Variants in ST6GAL2 observed in about 807,000 individuals in gnomAD.
ST6GAL2 encodes the protein ST6 beta-galactoside alpha-2,6-sialyltransferase 2.
A neutral mutation model predicts 37.5 loss-of-function variants in ST6GAL2; 24 were observed. The ratio of observed to expected loss-of-function variants is 0.64; its 90% CI spans 0.46 to 0.90. The LOEUF is 0.90. Ranked by LOEUF, ST6GAL2 falls within the 40% of genes least tolerant of loss-of-function variation. The pLI is 0.00. For missense variants in ST6GAL2, 715 were observed against 712.7 expected, an observed-to-expected ratio of 1.00 and a Z score of -0.04; for synonymous variants, 306 against 295.1, an observed-to-expected ratio of 1.04 and a Z score of -0.38.
intron 5 of ST6GAL2, among the ~76,000 whole-genome samples, chr2:106,809,358 C>T (rs555197512): frequency 3.3e-5 from 5 of 152,336 alleles, no homozygotes; most frequent in Admixed American, 2.0e-4. Flanking sequence ...ACTGTATAAC[C>T]TAGCAGTGGA....
intron 5 of ST6GAL2, among the ~76,000 whole-genome samples, chr2:106,818,683 A>C (rs1256947866): frequency 2.0e-5 from 3 of 152,332 alleles, no homozygotes; most frequent in Admixed American, 6.5e-5. Flanking sequence ...CCCAGACACC[A>C]GAAAACATCC....
chr2:106,859,891 A>T (rs963157395), intron 1 of ST6GAL2, among the ~76,000 whole-genome samples: 1 of 151,946 alleles, frequency 6.6e-6, no homozygotes, highest in Admixed American at 6.6e-5. Flanking sequence ...TAAAAAAAAA[A>T]ATTACCCTTT....
chr2:106,886,443 T>C (rs1299087280), upstream of ST6GAL2: 1 of 152,028 alleles, frequency 6.6e-6, no homozygotes, highest in Non-Finnish European at 1.5e-5. Flanking sequence ...GGGCCAGCGC[T>C]GCTCCGCGCC....
intron 5 of ST6GAL2, 83 bp downstream of exon 5, chr2:106,829,983 T>G (rs1423945895): frequency 1.5e-6 from 2 of 1,321,784 alleles, no homozygotes; most frequent in African/African-American, 3.0e-5. Flanking sequence ...TTTCAACCTG[T>G]ATAACACGAC....
chr2:106,840,126 A>C (rs1188543995), intron 2 of ST6GAL2, among the ~76,000 whole-genome samples: 1 of 152,174 alleles, frequency 6.6e-6, no homozygotes, highest in Non-Finnish European at 1.5e-5. Flanking sequence ...GGCAGAACAT[A>C]GGTAGGGCTG....
upstream of ST6GAL2, chr2:106,886,624 C>T (rs1452179185): frequency 2.6e-5 from 4 of 151,832 alleles, no homozygotes; most frequent in African/African-American, 7.2e-5. Context: ...GGCGGCGGTT[C>T]CCGGCCCACG....
At chr2:106,847,341 G>C (rs1386469545) in intron 1 of ST6GAL2, among the ~76,000 whole-genome samples, 1 of 152,190 alleles carries the variant, frequency 6.6e-6, no homozygotes, top group Admixed American at 6.5e-5. Flanking sequence ...ACAGTGCTTT[G>C]AGCTGTAATG....
Position 106,843,405 on chromosome 2 carries a change from GT to G in ST6GAL2, c.572del (p.Asp191AlafsTer27). The stretch of plus-strand genomic sequence containing the variant: ...ACATGGAGGAGTACAGCCTGTCGCC[GT>G]CGTCGCCCTCCTCCAACACGTGGCT... ...RRSHVLEEGD[D>X]GDRLYSSMSR... is the part of the protein sequence containing the mutation. On this transcript the variant is annotated frameshift_variant, in exon 2 of 6. Coordinates refer to ENST00000409382, the MANE Select transcript of ST6GAL2 (RefSeq NM_001142351.2). LOFTEE classifies it high-confidence loss of function. 10 of 1,614,088 alleles carry G rather than the reference GT, an allele frequency of 6.2e-6. No homozygotes were observed. Among genetic ancestry groups the G allele is most frequent in the Non-Finnish European group, 7.6e-6 (9 of 1,180,000 alleles).
intron 1 of ST6GAL2, among the ~76,000 whole-genome samples, chr2:106,868,098 G>A (rs1338763715): frequency 6.6e-6 from 1 of 152,116 alleles, no homozygotes; most frequent in South Asian, 2.1e-4. Context: ...CTTCTGTTGT[G>A]TCCTAATGAT....
At chr2:106,808,454 C>T (rs1011682831) in intron 5 of ST6GAL2, among the ~76,000 whole-genome samples, 1 of 152,182 alleles carries the variant, frequency 6.6e-6, no homozygotes, top group Non-Finnish European at 1.5e-5. Context: ...CTCTCAAGAG[C>T]GATGGTCAGA....
chr2:106,807,691 C>T (rs1394956286), intron 5 of ST6GAL2, among the ~76,000 whole-genome samples: 7 of 147,692 alleles, frequency 4.7e-5, no homozygotes, highest in Non-Finnish European at 7.4e-5. Context: ...TGCAGTGGCG[C>T]GATCTCACTG....
chr2:106,880,788 T>C (rs1487882234), intron 1 of ST6GAL2, among the ~76,000 whole-genome samples: 1 of 152,182 alleles, frequency 6.6e-6, no homozygotes, highest in Non-Finnish European at 1.5e-5. Context: ...TGTTAGTCAA[T>C]AGCCATGAAT....
At chr2:106,816,208 A>C (rs1414363640) in intron 5 of ST6GAL2, among the ~76,000 whole-genome samples, 2 of 152,218 alleles carry the variant, frequency 1.3e-5, no homozygotes, top group Non-Finnish European at 2.9e-5. Flanking sequence ...TAATAAAGTA[A>C]GGCAGAGTCA....
intron 1 of ST6GAL2, among the ~76,000 whole-genome samples, chr2:106,845,206 C>A (rs1677094610): frequency 6.6e-6 from 1 of 152,124 alleles, no homozygotes; most frequent in Non-Finnish European, 1.5e-5. Context: ...GAAGAAGAAG[C>A]AAGACCATTT....
rs17033366 is a variant in ST6GAL2 at position 106,854,405 on chromosome 2, G to A, written c.-57-10371C>T. Among the ~76,000 whole-genome samples the A allele has an allele frequency of 7.7e-3, 1,175 of 152,252 alleles. 20 individuals are homozygous for A. Among genetic ancestry groups the A allele is most frequent in the African/African-American group, 0.027 (1,103 of 41,540 alleles). On this transcript the variant is annotated intron_variant, in intron 1 of 5. Transcript: ENST00000409382. ...GCACTGTGCCTGGCCCAAAAAGAGA[G>A]CACAATATTTTTCAGTCCAAGTTTT...
chr2:106,843,081 G>C lies in ST6GAL2; in HGVS notation c.897C>G (p.Val299=). The C allele has an allele frequency of 6.7e-7, 1 of 1,500,646 alleles. No individual in the cohort carries two copies. The highest frequency in any genetic ancestry group is 8.9e-7 in the Non-Finnish European group (1 of 1,128,952). 93.0% of individuals were successfully genotyped at this position (1,500,646 alleles called of 1,614,324 possible). The change falls in exon 2 of 6, where the codon GTC becomes GTG. Residue 299 remains valine (V), a synonymous_variant. Coordinates refer to ENST00000409382, the MANE Select transcript of ST6GAL2 (RefSeq NM_001142351.2). ...HPRGLRSCAV[V]MSAGAILNSS... is the part of the protein sequence containing the mutation. ...AGTTGAGGATTGCGCCTGCAGACAT[G>C]ACGACAGCGCAGCTGCGCAGGCCGC...
rs1478670200 is a variant in ST6GAL2, at chr2:106,803,215, C to T, written c.*3463G>A. 2.0e-5 allele frequency: 3 copies of T among 152,184 alleles called. No individual in the cohort carries two copies. The East Asian group carries it at 5.8e-4, about 29-fold the overall frequency. The allele number at this position is 152,184 out of a possible 1,614,324, so 9.4% of individuals were successfully genotyped here. A position where few individuals can be genotyped will look rare whatever the true frequency, so the allele number is the denominator to read the frequency against. On this transcript the variant is annotated 3_prime_UTR_variant, in exon 6 of 6. Coordinates refer to ENST00000409382, the MANE Select transcript of ST6GAL2 (RefSeq NM_001142351.2). ...CTATGGCTACAATGACTGAGGACTA[C>T]TGGAGAGTCCAGGATTGATTAAGTG... is the stretch of plus-strand genomic sequence containing the variant.
chr2:106,870,739 G>C (rs139326410), intron 1 of ST6GAL2, among the ~76,000 whole-genome samples: 102 of 152,224 alleles, frequency 6.7e-4, no homozygotes, highest in African/African-American at 2.4e-3. Flanking sequence ...TACAGTCACA[G>C]ACCTTTCTAA....
chr2:106,870,887 G>A lies in ST6GAL2; in HGVS notation c.-58+15206C>T, dbSNP rs139683872. Among the ~76,000 whole-genome samples, 66 of 152,202 alleles carry A rather than the reference G, an allele frequency of 4.3e-4. 3 individuals carry two copies. In the East Asian group the frequency reaches 0.012, roughly 27 times the overall value. On this transcript the variant is annotated intron_variant, in intron 1 of 5. Coordinates refer to ENST00000409382, the MANE Select transcript of ST6GAL2 (RefSeq NM_001142351.2). The stretch of plus-strand genomic sequence containing the variant: ...AAATGAAAAGGGCTTGGGGGTGTGC[G>A]GGGATCTAAGATCATTAAGCAAAGT...
Sources: gnomAD v4.1 joint callset for allele counts (sites outside exome capture counted in the v4.1 genomes callset) on GRCh38, gnomAD v4.1.1 for gene constraint, MANE v1.5 for transcripts, NCBI Gene and HGNC (gene_info 2026-07-23, HGNC 2026-07-21) for gene names.